GNA15: variants seen among roughly 807,000 people sequenced by gnomAD.
The protein encoded by GNA15 is G protein subunit alpha 15.
GNA15 carries 23 observed loss-of-function variants against 40.1 expected under a neutral mutation model. The observed-to-expected ratio is 0.57, with a 90% confidence interval of 0.41 to 0.81. GNA15 has a LOEUF of 0.81. Ranked by LOEUF, GNA15 falls within the 40% of genes least tolerant of loss-of-function variation. The pLI is 0.00. For missense variants in GNA15, 522 were observed against 515.8 expected (o/e 1.01, Z -0.12); for synonymous variants, 226 against 210.4 (o/e 1.07, Z -0.64).
At chr19:3,156,047 C>A in intron 5 of GNA15, 95 bp downstream of exon 5, 1 of 1,202,576 alleles carries the variant, frequency 8.3e-7, no homozygotes. Context: ...GATCCCTGCT[C>A]TTGAACGGGC....
At chr19:3,161,166 A>G (rs1478558699) in intron 6 of GNA15, among the ~76,000 whole-genome samples, 1 of 151,340 alleles carries the variant, frequency 6.6e-6, no homozygotes, top group Non-Finnish European at 1.5e-5. Flanking sequence ...CTGATCTGGA[A>G]CTCCTGGGCC....
intron 5 of GNA15, 138 bp downstream of exon 5, chr19:3,156,090 C>T: frequency 3.8e-6 from 3 of 782,230 alleles, no homozygotes; most frequent in Non-Finnish European, 4.0e-6. Context: ...TGAACTTGAC[C>T]CTTCAGCCTT....
intron 4 of GNA15, among the ~76,000 whole-genome samples, chr19:3,152,216 T>C (rs1405371300): frequency 2.6e-5 from 4 of 151,962 alleles, no homozygotes; most frequent in Admixed American, 6.6e-5. Context: ...TCAGAGGTGA[T>C]CCCTGTAGTC....
At chr19:3,140,118 CATT>C (rs1000591831) in intron 1 of GNA15, among the ~76,000 whole-genome samples, 5 of 143,580 alleles carry the variant, frequency 3.5e-5, no homozygotes, top group African/African-American at 1.3e-4. Flanking sequence ...TATTATGTCA[CATT>C]ATGACGTATC....
At chr19:3,146,127 G>A (rs1201722112) in intron 1 of GNA15, among the ~76,000 whole-genome samples, 2 of 152,004 alleles carry the variant, frequency 1.3e-5, no homozygotes, top group African/African-American at 2.4e-5. Flanking sequence ...CCGCTTGCTC[G>A]ATCAAGTCCT....
chr19:3,162,228 T>C (rs1409477292), intron 6 of GNA15, among the ~76,000 whole-genome samples: 2 of 151,398 alleles, frequency 1.3e-5, no homozygotes, highest in African/African-American at 4.9e-5. Context: ...TCATTTGAGG[T>C]CAGGAGTTCG....
chr19:3,149,963 C>T (rs1017739197), intron 2 of GNA15, 168 bp from the exon 3 acceptor site: 7 of 585,276 alleles, frequency 1.2e-5, no homozygotes, highest in East Asian at 3.1e-5. Context: ...CAAGAACAGA[C>T]GGAGGACAAA....
At chr19:3,137,187 T>G (rs1914478199) in intron 1 of GNA15, among the ~76,000 whole-genome samples, 2 of 152,236 alleles carry the variant, frequency 1.3e-5, no homozygotes, top group Non-Finnish European at 2.9e-5. Context: ...TATTTCTGTC[T>G]TCCTGGATCT....
At chr19:3,138,489 G>A (rs11880040) in intron 1 of GNA15, among the ~76,000 whole-genome samples, 4 of 152,174 alleles carry the variant, frequency 2.6e-5, no homozygotes, top group East Asian at 3.9e-4. Context: ...TGATCATCCC[G>A]TGATGGTTGC....
chr19:3,159,974 T>C (rs1336465489), intron 6 of GNA15, among the ~76,000 whole-genome samples: 3 of 152,166 alleles, frequency 2.0e-5, no homozygotes, highest in Admixed American at 6.5e-5. Flanking sequence ...CACTAGCACT[T>C]TCCCCAGAAC....
intron 1 of GNA15, among the ~76,000 whole-genome samples, chr19:3,145,361 T>TATATATATATA (rs57906685): frequency 2.5e-4 from 7 of 28,230 alleles, no homozygotes; most frequent in African/African-American, 1.3e-3. Flanking sequence ...ATATATATAT[T>TATATATATATA]TTTTTTTTTT....
chr19:3,137,692 G>A (rs1238133562), intron 1 of GNA15, among the ~76,000 whole-genome samples: 1 of 152,170 alleles, frequency 6.6e-6, no homozygotes, highest in Non-Finnish European at 1.5e-5. Context: ...TGAGGCAGGG[G>A]AATTGCATGA....
At position 3,151,616 on chromosome 19, in the gene GNA15, C is replaced by G. The variant is rs544495644; in HGVS notation, c.486-91C>G. On this transcript the variant is annotated intron_variant, in intron 3 of 6. Transcript: ENST00000262958. This position sits in a 1 kb window ranked among gnomAD's most constrained non-coding sequence, Gnocchi z 5.0. The stretch of plus-strand genomic sequence containing the variant: ...CCTCCACCCAGGGAGCTCTCCTCCC[C>G]CAGCAGGGTCCTTGCTGGGCCTTTC... 2.1e-6 allele frequency: 3 copies of G among 1,425,484 alleles called. No homozygotes were observed. Among genetic ancestry groups the G allele is most frequent in the South Asian group, 3.1e-5 (2 of 64,908 alleles). 88.3% of individuals were successfully genotyped at this position (1,425,484 alleles called of 1,614,324 possible).
chr19:3,140,044 A>AATCC (rs1555705064), intron 1 of GNA15, among the ~76,000 whole-genome samples: 2 of 124,054 alleles, frequency 1.6e-5, no homozygotes, highest in Admixed American at 8.0e-5. Flanking sequence ...AAAAAAAAAA[A>AATCC]ATCTATCTAT....
Position 3,143,655 on chromosome 19 carries a change from A to AAAT in GNA15, c.146-4921_146-4919dup, listed in dbSNP as rs1298142393. On this transcript the variant is annotated intron_variant, in intron 1 of 6. Coordinates refer to ENST00000262958, the MANE Select transcript of GNA15 (RefSeq NM_002068.4). ...GTGACAGAGTGAGACCCTGTCTCAA[A>AAAT]AATAATAATAATAATAAAAAATAAA... Among the ~76,000 whole-genome samples the AAAT allele has an allele frequency of 3.3e-5, 5 of 151,944 alleles. No individual in the cohort carries two copies. The East Asian group carries it at 5.8e-4, about 18-fold the overall frequency.
chr19:3,161,478 C>G (rs1429889265), intron 6 of GNA15, among the ~76,000 whole-genome samples: 1 of 152,078 alleles, frequency 6.6e-6, no homozygotes, highest in African/African-American at 2.4e-5. Context: ...TGTCATGTCT[C>G]AGAGCCCATG....
At chr19:3,144,716 G>C (rs1914662466) in intron 1 of GNA15, among the ~76,000 whole-genome samples, 1 of 151,254 alleles carries the variant, frequency 6.6e-6, no homozygotes, top group Non-Finnish European at 1.5e-5. Flanking sequence ...TTTTAGTAGA[G>C]ACGGGGTTTC....
chr19:3,157,449 G>A (rs551186380), intron 5 of GNA15, among the ~76,000 whole-genome samples: 1 of 152,322 alleles, frequency 6.6e-6, no homozygotes, highest in African/African-American at 2.4e-5. Flanking sequence ...GGGAGGCCAG[G>A]AGTTCAAGAA....
chr19:3,163,634 C>T lies in GNA15; in HGVS notation c.*615C>T, dbSNP rs1373568215. On this transcript the variant is annotated 3_prime_UTR_variant, in exon 7 of 7. Coordinates refer to ENST00000262958, the MANE Select transcript of GNA15 (RefSeq NM_002068.4). Reference sequence around the variant, plus strand: ...GAGAGAAATCGCGGCCCACAAGCATCCCCCCATCCCTTGCAGGCTGGGGGC... The same window carrying T: ...GAGAGAAATCGCGGCCCACAAGCATTCCCCCATCCCTTGCAGGCTGGGGGC... The T allele has an allele frequency of 6.5e-6, 1 of 152,936 alleles. No homozygotes were observed. The highest frequency in any genetic ancestry group is 2.4e-5 in the African/African-American group (1 of 41,446). The allele number at this position is 152,936 out of a possible 1,614,324, so 9.5% of individuals were successfully genotyped here. A position where few individuals can be genotyped will look rare whatever the true frequency, so the allele number is the denominator to read the frequency against.
Sources: gnomAD v4.1 joint callset for allele counts (sites outside exome capture counted in the v4.1 genomes callset) on GRCh38, gnomAD v4.1.1 for gene constraint, Gnocchi (gnomAD v3.1) non-coding constraint, MANE v1.5 for transcripts, NCBI Gene and HGNC (gene_info 2026-07-23, HGNC 2026-07-21) for gene names.